NFIA: variants seen among roughly 807,000 people sequenced by gnomAD.
NFIA encodes the protein nuclear factor 1 A-type.
Under a neutral mutation model 62.8 loss-of-function variants are expected in NFIA, and 8 were observed. The ratio of observed to expected loss-of-function variants is 0.13; its 90% CI spans 0.07 to 0.23. The LOEUF (loss-of-function observed/expected upper bound fraction) is 0.23, where lower values mean the gene tolerates loss of function less well. Among genes scored for constraint, NFIA ranks in the 10% least tolerant of loss-of-function variants. The pLI is 1.00. For missense variants in NFIA, 410 were observed against 642.1 expected, an observed-to-expected ratio of 0.64 and a Z score of 3.91; for synonymous variants, 235 against 238.1, an observed-to-expected ratio of 0.99 and a Z score of 0.12.
chr1:61,388,482 C>G (rs949485875), intron 7 of NFIA, among the ~76,000 whole-genome samples: 1 of 152,222 alleles, frequency 6.6e-6, no homozygotes, highest in African/African-American at 2.4e-5. Flanking sequence ...TCATCAGTTA[C>G]ATCTTAAAGT....
intron 2 of NFIA, among the ~76,000 whole-genome samples, chr1:61,211,467 A>T (rs1385993977): frequency 1.3e-5 from 2 of 152,186 alleles, no homozygotes; most frequent in Non-Finnish European, 2.9e-5. Context: ...TACCAAGCTA[A>T]ATGCTTTCAT....
chr1:61,343,084 A>G (rs1223721366), intron 4 of NFIA, among the ~76,000 whole-genome samples: 1 of 152,220 alleles, frequency 6.6e-6, no homozygotes, highest in African/African-American at 2.4e-5. Context: ...CTCAGTAAAC[A>G]TTTGGTGCAT....
chr1:61,139,267 A>C (rs1020258785), intron 2 of NFIA, among the ~76,000 whole-genome samples: 21 of 152,170 alleles, frequency 1.4e-4, no homozygotes, highest in Non-Finnish European at 7.4e-5. Flanking sequence ...TCTGAGGATA[A>C]AAGTGGAGGA....
chr1:61,177,093 G>A (rs865781137), intron 2 of NFIA, among the ~76,000 whole-genome samples: 17 of 150,876 alleles, frequency 1.1e-4, no homozygotes, highest in African/African-American at 3.2e-4. Flanking sequence ...GCGACAGAGC[G>A]AGACTCTGTC....
rs1315813312 is a variant in NFIA, at chr1:61,083,252, G to T, written c.27+434G>T. Among the ~76,000 whole-genome samples, 104 of 152,110 alleles carry T rather than the reference G, an allele frequency of 6.8e-4. 1 individual carries two copies. The highest frequency in any genetic ancestry group is 1.0e-4 in the Non-Finnish European group (7 of 67,998). On this transcript the variant is annotated intron_variant, in intron 1 of 10. Transcript: ENST00000403491. The stretch of plus-strand genomic sequence containing the variant: ...ATTCCGTAGTGCCGCAGCGCCCGGG[G>T]AGGGGGCCGCCGACGGAGCCCACCG...
chr1:61,256,557 T>A (rs1389310786), intron 2 of NFIA, among the ~76,000 whole-genome samples: 1 of 152,102 alleles, frequency 6.6e-6, no homozygotes, highest in Non-Finnish European at 1.5e-5. Flanking sequence ...TGGACGAGCT[T>A]GGTTTAGTCC....
chr1:61,112,336 A>T (rs936948501), intron 2 of NFIA, among the ~76,000 whole-genome samples: 5 of 152,162 alleles, frequency 3.3e-5, no homozygotes, highest in Non-Finnish European at 7.4e-5. Flanking sequence ...CAAGAAATTA[A>T]AATCAAGGTA....
At chr1:61,321,228 G>A (rs1406467973) in intron 3 of NFIA, among the ~76,000 whole-genome samples, 1 of 151,782 alleles carries the variant, frequency 6.6e-6, no homozygotes, top group Non-Finnish European at 1.5e-5. Context: ...TGGTGCTAAA[G>A]TAAGTGTTTA....
At chr1:61,358,450 G>A (rs1250159729) in intron 5 of NFIA, among the ~76,000 whole-genome samples, 4 of 127,732 alleles carry the variant, frequency 3.1e-5, no homozygotes, top group South Asian at 2.6e-4. Flanking sequence ...GCAGTGGCAC[G>A]ATCTCGGCTC....
chr1:61,110,482 C>T (rs1426629128), intron 2 of NFIA, among the ~76,000 whole-genome samples: 1 of 151,846 alleles, frequency 6.6e-6, no homozygotes, highest in East Asian at 1.9e-4. Flanking sequence ...TACACACACA[C>T]GTATCAGTAT....
At chr1:61,091,720 G>C (rs909412178) in intron 2 of NFIA, among the ~76,000 whole-genome samples, 1 of 152,034 alleles carries the variant, frequency 6.6e-6, no homozygotes, top group African/African-American at 2.4e-5. Flanking sequence ...CAATATACCC[G>C]GCACGTGGCA....
chr1:61,081,940 A>G, upstream of NFIA: 1 of 1,550,398 alleles, frequency 6.4e-7, no homozygotes, highest in East Asian at 2.4e-5. Flanking sequence ...AGAAATTTGC[A>G]TACATGCAAA....
intron 10 of NFIA, among the ~76,000 whole-genome samples, chr1:61,446,584 G>C (rs1261830282): frequency 6.6e-6 from 1 of 152,164 alleles, no homozygotes; most frequent in African/African-American, 2.4e-5. Flanking sequence ...AGTGCCTGCT[G>C]GGGTGGAGAA....
intron 2 of NFIA, among the ~76,000 whole-genome samples, chr1:61,196,741 C>T (rs528875277): frequency 1.6e-4 from 24 of 152,216 alleles, no homozygotes; most frequent in South Asian, 4.2e-4. Context: ...AAGCCTGAAA[C>T]GGCTGATGTT....
intron 2 of NFIA, among the ~76,000 whole-genome samples, chr1:61,218,162 A>G (rs1653764287): frequency 6.6e-6 from 1 of 151,808 alleles, no homozygotes; most frequent in African/African-American, 2.4e-5. Context: ...ATGCAGAGAC[A>G]TATTTTGTAA....
At chr1:61,365,860 C>T (rs1225891065) in intron 6 of NFIA, among the ~76,000 whole-genome samples, 1 of 152,132 alleles carries the variant, frequency 6.6e-6, no homozygotes, top group Non-Finnish European at 1.5e-5. Context: ...CGTGAAATAT[C>T]ATCATTAGGA....
At chr1:61,359,895 G>T in intron 6 of NFIA, among the ~76,000 whole-genome samples, 1 of 151,932 alleles carries the variant, frequency 6.6e-6, no homozygotes, top group Non-Finnish European at 1.5e-5. Flanking sequence ...CCTCCCAATT[G>T]TTTTTGTTTT....
At chr1:61,158,932 A>G (rs1648992838) in intron 2 of NFIA, among the ~76,000 whole-genome samples, 1 of 152,206 alleles carries the variant, frequency 6.6e-6, no homozygotes, top group African/African-American at 2.4e-5. Flanking sequence ...AGAATGTGGG[A>G]AAGAAATGGT....
intron 2 of NFIA, among the ~76,000 whole-genome samples, chr1:61,174,570 A>G (rs1338441497): frequency 6.6e-6 from 1 of 152,202 alleles, no homozygotes; most frequent in East Asian, 1.9e-4. Flanking sequence ...GGAAGTAAGT[A>G]AATAAAGCTG....
Sources: allele counts gnomAD v4.1 joint callset (sites outside exome capture counted in the v4.1 genomes callset), GRCh38; gene constraint gnomAD v4.1.1; transcripts MANE v1.5; gene names NCBI Gene and HGNC (gene_info 2026-07-23, HGNC 2026-07-21).